Variants in ZMYND8 observed in about 807,000 individuals in gnomAD.
The protein encoded by ZMYND8 is zinc finger MYND-type containing 8.
Under a neutral mutation model 140.8 loss-of-function variants are expected in ZMYND8, and 37 were observed. The observed-to-expected ratio is 0.26, with a 90% CI of 0.20 to 0.35. The LOEUF (loss-of-function observed/expected upper bound fraction) is 0.35, where lower values mean the gene tolerates loss of function less well. ZMYND8 is among the 10% of genes least tolerant of loss of function. The pLI is 1.00. For missense variants in ZMYND8, 1,068 were observed against 1,570.0 expected (o/e 0.68, Z 5.40); for synonymous variants, 592 against 597.1 (o/e 0.99, Z 0.12).
At position 47,221,332 on chromosome 20, in the gene ZMYND8, T is replaced by C; in HGVS notation, c.3399A>G (p.Lys1133=). 1 of 1,614,152 alleles carries C rather than the reference T, an allele frequency of 6.2e-7. No individual in the cohort carries two copies. ...ASKEKETSAE[K]SKESGSTLDL... ...TCCTCACCGAGCCACTCTCCTTGCTTTTCTCAGCTGACGTCTCCTTCTCTT... is the reference window on the plus strand; with the variant it reads ...TCCTCACCGAGCCACTCTCCTTGCTCTTCTCAGCTGACGTCTCCTTCTCTT... Residue 1133 remains lysine (K), a synonymous_variant, in exon 20 of 23, where the codon AAA becomes AAG. Transcript: ENST00000471951.
chr20:47,347,737 T>C (rs2082447029), intron 2 of ZMYND8, 119 bp downstream of exon 2: 2 of 965,010 alleles, frequency 2.1e-6, no homozygotes, highest in Admixed American at 2.2e-5. Context: ...TATCTGAAAA[T>C]CCAAGAAGAG....
rs2073971389 is a variant in ZMYND8 at position 47,249,207 on chromosome 20, T to G, written c.1774+80A>C. On this transcript the variant is annotated intron_variant, in intron 13 of 22. Coordinates refer to ENST00000471951, the MANE Select transcript of ZMYND8 (RefSeq NM_001281775.3). ...GCTAAAAGCAGCCAGGATTCAACCT[T>G]GATTTCATCCAGGTGGTATCCCTAC... The G allele has an allele frequency of 2.0e-6, 3 of 1,504,676 alleles. No individual in the cohort carries two copies. The East Asian group carries it at 6.9e-5, about 34-fold the overall frequency. The allele number at this position is 1,504,676 out of a possible 1,614,324, so 93.2% of individuals were successfully genotyped here.
At chr20:47,296,680 G>C (rs568996449) in intron 4 of ZMYND8, among the ~76,000 whole-genome samples, 8 of 152,294 alleles carry the variant, frequency 5.3e-5, no homozygotes, top group African/African-American at 1.9e-4. Flanking sequence ...TGTTGGCCGG[G>C]CACAGTGGCT....
intron 15 of ZMYND8, chr20:47,238,369 T>C (rs2039507946): frequency 4.2e-6 from 1 of 237,930 alleles, no homozygotes; most frequent in African/African-American, 2.3e-5. Context: ...CATATATACA[T>C]ACAGATATGT....
At chr20:47,319,703 A>T (rs3746481) in intron 2 of ZMYND8, 37,594 of 152,256 alleles carry the variant, frequency 0.25, 8,155 homozygotes, top group African/African-American at 0.59. Flanking sequence ...TAGAGGCAAT[A>T]GCAACCGCGG....
chr20:47,248,313 T>C (rs1568985720), intron 13 of ZMYND8, among the ~76,000 whole-genome samples: 1 of 152,248 alleles, frequency 6.6e-6, no homozygotes, highest in Non-Finnish European at 1.5e-5. Flanking sequence ...GCCAGCTGCA[T>C]GGAAGGACCC....
chr20:47,217,490 C>T (rs2036295126), intron 21 of ZMYND8, among the ~76,000 whole-genome samples: 1 of 152,174 alleles, frequency 6.6e-6, no homozygotes, highest in Non-Finnish European at 1.5e-5. Flanking sequence ...GTTGCTTTCT[C>T]AGTAGGTGCT....
In ZMYND8 at chr20:47,308,196, G is replaced by A. The variant is rs1400825195; in HGVS notation, c.234+1860C>T. ...AGTACTGAAGAACCACATGTGACCT[G>A]TGGCTACCATCTTGGACGTGAGGTT... is the stretch of plus-strand genomic sequence containing the variant. On this transcript the variant is annotated intron_variant, in intron 3 of 22. Transcript: ENST00000471951. 4.7e-5 allele frequency among the ~76,000 whole-genome samples: 7 copies of A among 149,902 alleles called. No homozygotes were observed. The East Asian group carries it at 1.4e-3, about 29-fold the overall frequency.
chr20:47,345,157 T>C (rs1195223013), intron 2 of ZMYND8, among the ~76,000 whole-genome samples: 2 of 152,078 alleles, frequency 1.3e-5, no homozygotes, highest in Non-Finnish European at 2.9e-5. Flanking sequence ...CTTTTATATA[T>C]ATATTTAAAA....
intron 16 of ZMYND8, among the ~76,000 whole-genome samples, chr20:47,233,385 T>TA (rs2038806978): frequency 6.6e-6 from 1 of 152,074 alleles, no homozygotes; most frequent in Admixed American, 6.5e-5. Flanking sequence ...AATTTTTTTT[T>TA]ATTTGTAAAG....
intron 2 of ZMYND8, among the ~76,000 whole-genome samples, chr20:47,333,192 A>G (rs1423555009): frequency 6.6e-6 from 1 of 151,924 alleles, no homozygotes; most frequent in Non-Finnish European, 1.5e-5. Context: ...TACAAAACAT[A>G]TATATATGAG....
At chr20:47,255,720 GTGTATATATATATA>G (rs2074589517) in intron 12 of ZMYND8, among the ~76,000 whole-genome samples, 1 of 27,240 alleles carries the variant, frequency 3.7e-5, no homozygotes, top group African/African-American at 1.1e-4. Flanking sequence ...CCGTGTATGT[GTGTATATATATATA>G]TATATATATA....
intron 14 of ZMYND8, among the ~76,000 whole-genome samples, chr20:47,241,967 GCCA>G (rs2040026894): frequency 6.6e-6 from 1 of 151,890 alleles, no homozygotes; most frequent in African/African-American, 2.4e-5. Context: ...ACAGGTGCCC[GCCA>G]CCATGCCCAG....
chr20:47,232,164 G>A (rs57808107), intron 16 of ZMYND8, among the ~76,000 whole-genome samples: 17,316 of 152,126 alleles, frequency 0.11, 2,057 homozygotes, highest in African/African-American at 0.3. Flanking sequence ...CTGAGGTCAG[G>A]AGTTCGAGAC....
At chr20:47,355,424 C>T in intron 1 of ZMYND8, 10 of 984,886 alleles carry the variant, frequency 1.0e-5, no homozygotes, top group Non-Finnish European at 1.2e-5. Context: ...AACATGGTCA[C>T]AGAGGAAATG....
At chr20:47,229,861 G>A (rs1368584081) in intron 16 of ZMYND8, 55 bp from the exon 17 acceptor site, 3 of 1,474,832 alleles carry the variant, frequency 2.0e-6, no homozygotes, top group African/African-American at 1.4e-5. Flanking sequence ...GGCTTTTCCT[G>A]GTGACAAATA....
At position 47,209,538 on chromosome 20, in the gene ZMYND8, T is replaced by G. The variant is rs745327612; in HGVS notation, c.*1223A>C. Reference sequence around the variant, plus strand: ...ATACTCTCTTATTTCTTCTCTAATATGGGTAACTAGCTGGAAACTGTACAG... The same window carrying G: ...ATACTCTCTTATTTCTTCTCTAATAGGGGTAACTAGCTGGAAACTGTACAG... On this transcript the variant is annotated 3_prime_UTR_variant, in exon 23 of 23. Transcript: ENST00000471951. 1.3e-5 allele frequency: 2 copies of G among 152,112 alleles called. No individual in the cohort carries two copies. The highest frequency in any genetic ancestry group is 2.9e-5 in the Non-Finnish European group (2 of 68,018). 9.4% of individuals were successfully genotyped at this position (152,112 alleles called of 1,614,324 possible).
At position 47,217,476 on chromosome 20, in the gene ZMYND8, G is replaced by C. The variant is rs113941259; in HGVS notation, c.3484+2782C>G. Among the ~76,000 whole-genome samples, 518 of 152,288 alleles carry C rather than the reference G, an allele frequency of 3.4e-3. 1 individual carries two copies. Among genetic ancestry groups the C allele is most frequent in the Admixed American group, 8.7e-3 (133 of 15,290 alleles). ...AGCCTGTTCGAAGGGGAAGTGAAGA[G>C]GGAGTTGCTTTCTCAGTAGGTGCTT... On this transcript the variant is annotated intron_variant, in intron 21 of 22. Transcript: ENST00000471951.
At chr20:47,257,138 T>C (rs2074796117) in intron 12 of ZMYND8, among the ~76,000 whole-genome samples, 1 of 152,142 alleles carries the variant, frequency 6.6e-6, no homozygotes, top group South Asian at 2.1e-4. Context: ...CTCAGCTCCT[T>C]GTTTTTTAGT....
Sources: gnomAD v4.1 joint callset for allele counts (sites outside exome capture counted in the v4.1 genomes callset) on GRCh38, gnomAD v4.1.1 for gene constraint, MANE v1.5 for transcripts, NCBI Gene and HGNC (gene_info 2026-07-23, HGNC 2026-07-21) for gene names.